Variants in MAPK10 observed in about 807,000 individuals in gnomAD.
MAPK10 encodes the protein JNK3 alpha protein kinase.
In MAPK10, 25 loss-of-function variants were observed where a neutral mutation model predicts 59.3. That is an observed-to-expected ratio of 0.42 (90% confidence interval 0.31 to 0.59). MAPK10 has a LOEUF of 0.59. Among genes scored for constraint, MAPK10 ranks in the 20% least tolerant of loss-of-function variants. The probability of loss-of-function intolerance (pLI) is 0.15; values close to 1 mark genes in which losing one functional copy is unlikely to be tolerated. For missense variants in MAPK10, 351 were observed against 568.9 expected (o/e 0.62, Z 3.90); for synonymous variants, 190 against 200.5 (o/e 0.95, Z 0.44).
Position 86,088,947 on chromosome 4 carries a change from G to C in MAPK10, c.802+9577C>G, listed in dbSNP as rs1469962827. On this transcript the variant is annotated intron_variant, in intron 9 of 13. Coordinates refer to ENST00000641462, the MANE Select transcript of MAPK10 (RefSeq NM_138982.4). ...GAAAGAAGAGTACTCAATGTTATCA[G>C]TTTGGTAGAACTGAATTAAGGCAGA... is the stretch of plus-strand genomic sequence containing the variant. 2.0e-5 allele frequency among the ~76,000 whole-genome samples: 3 copies of C among 152,128 alleles called. No homozygotes were observed. In the East Asian group the frequency reaches 5.8e-4, roughly 29 times the overall value.
At chr4:86,445,221 A>G (rs1338619682) in intron 1 of MAPK10, among the ~76,000 whole-genome samples, 1 of 152,246 alleles carries the variant, frequency 6.6e-6, no homozygotes, top group East Asian at 1.9e-4. Flanking sequence ...CATATACACC[A>G]TGGAATACTA....
chr4:86,034,386 T>C (rs111303276), intron 11 of MAPK10, among the ~76,000 whole-genome samples: 4,302 of 152,316 alleles, frequency 0.028, 195 homozygotes, highest in African/African-American at 0.098. Context: ...GTTAATTTCA[T>C]ATGAATTTAT....
chr4:86,306,231 TGAG>T (rs1337150346), intron 2 of MAPK10, among the ~76,000 whole-genome samples: 3 of 152,228 alleles, frequency 2.0e-5, no homozygotes, highest in African/African-American at 7.2e-5. Context: ...TTAAAATGTG[TGAG>T]AAGAGTGGCA....
In MAPK10 at chr4:86,360,025, G is replaced by A. The variant is rs1196849722; in HGVS notation, c.-489C>T. On this transcript the variant is annotated 5_prime_UTR_variant, in exon 1 of 14. Coordinates refer to ENST00000641462, the MANE Select transcript of MAPK10 (RefSeq NM_138982.4). ...CCTCTTTCACTGCCTGGAAACCATT[G>A]TGCAGCGTGATGCTGCCTGTACCAT... The A allele has an allele frequency of 2.0e-6, 2 of 985,684 alleles. No individual in the cohort carries two copies. The highest frequency in any genetic ancestry group is 3.5e-5 in the African/African-American group (2 of 57,212). The allele number at this position is 985,684 out of a possible 1,614,324, so 61.1% of individuals were successfully genotyped here.
chr4:86,476,929 C>A (rs1378855559), intron 1 of MAPK10, among the ~76,000 whole-genome samples: 1 of 152,190 alleles, frequency 6.6e-6, no homozygotes, highest in Non-Finnish European at 1.5e-5. Context: ...TAAGCCATGT[C>A]TCATCTGTGC....
intron 1 of MAPK10, among the ~76,000 whole-genome samples, chr4:86,558,004 A>G (rs1224417407): frequency 1.3e-5 from 2 of 152,216 alleles, no homozygotes; most frequent in East Asian, 1.9e-4. Context: ...TTATTCTTTT[A>G]TGTACCCCCA....
intron 1 of MAPK10, chr4:86,358,749 C>G (rs1238611769): frequency 2.0e-5 from 3 of 152,108 alleles, no homozygotes; most frequent in African/African-American, 7.2e-5. Context: ...CAGTAAATTA[C>G]ATTTATTTTG....
At chr4:86,152,803 C>T (rs926577101) in intron 4 of MAPK10, among the ~76,000 whole-genome samples, 1 of 152,144 alleles carries the variant, frequency 6.6e-6, no homozygotes, top group Non-Finnish European at 1.5e-5. Context: ...GCCAGCTTAT[C>T]TACAGATGGA....
At chr4:86,577,944 T>A (rs1762018925) in intron 1 of MAPK10, among the ~76,000 whole-genome samples, 1 of 152,112 alleles carries the variant, frequency 6.6e-6, no homozygotes, top group African/African-American at 2.4e-5. Context: ...ATCCTGATAC[T>A]AGGATTAAGG....
chr4:86,471,579 T>G (rs1285271485), intron 1 of MAPK10, among the ~76,000 whole-genome samples: 1 of 152,174 alleles, frequency 6.6e-6, no homozygotes, highest in East Asian at 1.9e-4. Flanking sequence ...ATAAAAATGG[T>G]TGTTTCCTGA....
At chr4:86,295,204 G>T (rs552746083) in intron 2 of MAPK10, among the ~76,000 whole-genome samples, 15 of 152,170 alleles carry the variant, frequency 9.9e-5, no homozygotes, top group Non-Finnish European at 2.9e-5. Flanking sequence ...AAAACAACAC[G>T]GTGTTTGTTG....
chr4:86,580,924 G>A (rs1762218968), intron 1 of MAPK10, among the ~76,000 whole-genome samples: 1 of 152,164 alleles, frequency 6.6e-6, no homozygotes, highest in Non-Finnish European at 1.5e-5. Context: ...TTGACCTGGA[G>A]TTGTGAAATC....
intron 2 of MAPK10, among the ~76,000 whole-genome samples, chr4:86,350,364 G>A (rs559649201): frequency 2.0e-5 from 3 of 152,130 alleles, no homozygotes; most frequent in Admixed American, 6.5e-5. Flanking sequence ...ACAGGAACCC[G>A]CCACCATGCC....
At chr4:86,317,324 G>T (rs1001424097) in intron 2 of MAPK10, among the ~76,000 whole-genome samples, 2 of 152,008 alleles carry the variant, frequency 1.3e-5, no homozygotes, top group Non-Finnish European at 2.9e-5. Flanking sequence ...TCGTACTTTC[G>T]TTCAGGCTCT....
intron 1 of MAPK10, among the ~76,000 whole-genome samples, chr4:86,507,985 A>G (rs1314693962): frequency 6.6e-6 from 1 of 151,992 alleles, no homozygotes; most frequent in Non-Finnish European, 1.5e-5. Flanking sequence ...TTGGACTGTC[A>G]TCACCCTTGG....
chr4:86,177,691 C>T lies in MAPK10; in HGVS notation c.66+16645G>A, dbSNP rs114715856. Among the ~76,000 whole-genome samples the T allele has an allele frequency of 8.1e-3, 1,239 of 152,086 alleles. 15 individuals carry two copies. Among genetic ancestry groups the T allele is most frequent in the African/African-American group, 0.028 (1,173 of 41,520 alleles). On this transcript the variant is annotated intron_variant, in intron 3 of 13. Transcript: ENST00000641462. ...CCAGACACTTCTTTTTACAAATTCC[C>T]TTGTTTACTAGTTTCCAGGTTTAAA...
chr4:86,543,182 C>T (rs895378588), intron 1 of MAPK10, among the ~76,000 whole-genome samples: 1 of 151,974 alleles, frequency 6.6e-6, no homozygotes, highest in African/African-American at 2.4e-5. Flanking sequence ...AGATGGATTC[C>T]CAAAGAAGTA....
intron 13 of MAPK10, chr4:86,025,625 C>T (rs922853656): frequency 1.8e-5 from 7 of 396,104 alleles, no homozygotes; most frequent in Non-Finnish European, 3.1e-5. Context: ...AAATGTTTTG[C>T]CATCAATAAA....
At chr4:86,070,024 G>A (rs147053317) in intron 9 of MAPK10, among the ~76,000 whole-genome samples, 1 of 152,268 alleles carries the variant, frequency 6.6e-6, no homozygotes, top group African/African-American at 2.4e-5. Context: ...AGAATCTAGA[G>A]ACACACTCAG....
Sources: gnomAD v4.1 joint callset for allele counts (sites outside exome capture counted in the v4.1 genomes callset) on GRCh38, gnomAD v4.1.1 for gene constraint, MANE v1.5 for transcripts, NCBI Gene and HGNC (gene_info 2026-07-23, HGNC 2026-07-21) for gene names.